The following SUMF1 variants were observed in gnomAD, a reference collection of about 807,000 sequenced individuals.
SUMF1 encodes sulfatase modifying factor 1.
In SUMF1, 48 loss-of-function variants were observed where a neutral mutation model predicts 47.6. The observed-to-expected ratio is 1.01, with a 90% CI of 0.80 to 1.28. The LOEUF (loss-of-function observed/expected upper bound fraction) is 1.28. SUMF1 is among the 50% of genes most tolerant of loss of function. The probability of loss-of-function intolerance (pLI) is 0.00; values close to 1 mark genes in which losing one functional copy is unlikely to be tolerated. For missense variants in SUMF1, 571 were observed against 485.4 expected (o/e 1.18, Z -1.66); for synonymous variants, 230 against 192.1 (o/e 1.20, Z -1.63).
chr3:4,180,615 C>T (rs1231677567), intron 8 of SUMF1, among the ~76,000 whole-genome samples: 1 of 151,434 alleles, frequency 6.6e-6, no homozygotes, highest in South Asian at 2.1e-4. Flanking sequence ...ATGGGTGCAG[C>T]AAGCCAACAT....
intron 4 of SUMF1, among the ~76,000 whole-genome samples, chr3:4,418,842 G>T (rs557840910): frequency 1.3e-5 from 2 of 151,978 alleles, no homozygotes; most frequent in African/African-American, 4.8e-5. Flanking sequence ...GGAAGTTTGG[G>T]GAAAAAAAAC....
At chr3:4,413,970 T>G (rs1329585527) in intron 6 of SUMF1, among the ~76,000 whole-genome samples, 4 of 151,860 alleles carry the variant, frequency 2.6e-5, no homozygotes, top group Non-Finnish European at 5.9e-5. Context: ...TTCAAGCAAT[T>G]CTCCTGCCTC....
chr3:4,357,577 T>TTTTATTTATTTATTTA (rs58387595), downstream of SUMF1, among the ~76,000 whole-genome samples: 4 of 138,732 alleles, frequency 2.9e-5, no homozygotes, highest in Non-Finnish European at 3.1e-5. Flanking sequence ...CCCAACCAAC[T>TTTTATTTATTTATTTA]TTTATTTATT....
At chr3:4,158,410 G>T (rs1034911242) in intron 8 of SUMF1, among the ~76,000 whole-genome samples, 3 of 151,202 alleles carry the variant, frequency 2.0e-5, no homozygotes, top group Non-Finnish European at 4.4e-5. Flanking sequence ...CTGAGGAGAA[G>T]AATGTATATT....
intron 8 of SUMF1, among the ~76,000 whole-genome samples, chr3:4,227,928 G>T (rs1429383738): frequency 6.6e-6 from 1 of 152,122 alleles, no homozygotes; most frequent in Non-Finnish European, 1.5e-5. Flanking sequence ...TGAGTGTGAT[G>T]CTTCTTTGAA....
At chr3:4,357,816 C>G (rs1023917964), downstream of SUMF1, among the ~76,000 whole-genome samples, 3 of 151,904 alleles carry the variant, frequency 2.0e-5, no homozygotes, top group African/African-American at 7.3e-5. Flanking sequence ...CCATGTTGGC[C>G]AGGTTAGTCA....
At position 4,339,116 on chromosome 3, in the gene SUMF1, C is replaced by T. The variant is rs116350981; in HGVS notation, c.1014+37214G>A. Among the ~76,000 whole-genome samples, 725 of 152,290 alleles carry T rather than the reference C, an allele frequency of 4.8e-3. 6 individuals carry two copies. The highest frequency in any genetic ancestry group is 0.016 in the African/African-American group (680 of 41,558). ...CCACTACTCCCTCCTCATTCTGTGA[C>T]GTAGCCCATTTCTGTGGCTCTCCTG... On this transcript the variant is annotated intron_variant and NMD_transcript_variant, in intron 8 of 12. Coordinates refer to the SUMF1 transcript ENST00000448413.
intron 8 of SUMF1, among the ~76,000 whole-genome samples, chr3:4,146,733 G>C (rs556508212): frequency 7.3e-6 from 1 of 137,858 alleles, no homozygotes; most frequent in Non-Finnish European, 1.5e-5. Flanking sequence ...TCCCCTTCCT[G>C]TGTCTATGTG....
chr3:4,046,093 A>G (rs1368934902), intron 9 of SUMF1, among the ~76,000 whole-genome samples: 1 of 152,154 alleles, frequency 6.6e-6, no homozygotes, highest in Non-Finnish European at 1.5e-5. Flanking sequence ...TTAGAGCTAC[A>G]GGATAAAAAT....
intron 1 of SUMF1, among the ~76,000 whole-genome samples, chr3:4,466,749 G>A (rs1024452920): frequency 3.3e-5 from 5 of 152,176 alleles, no homozygotes; most frequent in Admixed American, 3.3e-4. Flanking sequence ...GAAATAGGGG[G>A]TAAAGAAGTA....
At chr3:4,158,239 T>C (rs1387616468) in intron 8 of SUMF1, among the ~76,000 whole-genome samples, 1 of 151,652 alleles carries the variant, frequency 6.6e-6, no homozygotes, top group Admixed American at 6.6e-5. Context: ...TATAAACAAA[T>C]GTTTTGTATA....
intron 8 of SUMF1, among the ~76,000 whole-genome samples, chr3:4,200,815 C>T (rs1321936014): frequency 6.6e-6 from 1 of 152,116 alleles, no homozygotes; most frequent in Non-Finnish European, 1.5e-5. Flanking sequence ...TGTTTTTCTG[C>T]TGAATTACCT....
intron 8 of SUMF1, among the ~76,000 whole-genome samples, chr3:4,330,456 G>C (rs13092083): frequency 0.14 from 21,242 of 152,232 alleles, 1,507 homozygotes; most frequent in Middle Eastern, 0.19. Context: ...CGTCTTACAT[G>C]GTGGCAGGCA....
chr3:4,184,651 A>ATTT (rs113449863), intron 8 of SUMF1, among the ~76,000 whole-genome samples: 1 of 134,996 alleles, frequency 7.4e-6, no homozygotes, highest in Admixed American at 7.4e-5. Context: ...ATTTCCCTGG[A>ATTT]TTTTTTTTTT....
At chr3:4,222,769 A>G (rs1409536215) in intron 8 of SUMF1, among the ~76,000 whole-genome samples, 1 of 152,124 alleles carries the variant, frequency 6.6e-6, no homozygotes, top group African/African-American at 2.4e-5. Flanking sequence ...TTTATTACCC[A>G]CAGGATTCCT....
chr3:4,414,782 T>C (rs1314391992), intron 6 of SUMF1: 1 of 152,232 alleles, frequency 6.6e-6, no homozygotes, highest in African/African-American at 2.4e-5. Flanking sequence ...GGTACACTGA[T>C]TTTAGAAGAG....
chr3:4,047,222 G>T (rs1695022937), intron 9 of SUMF1, among the ~76,000 whole-genome samples: 1 of 151,944 alleles, frequency 6.6e-6, no homozygotes, highest in African/African-American at 2.4e-5. Flanking sequence ...CTTTGCCATT[G>T]TACTCTGTTT....
chr3:4,111,330 T>C (rs1016696826), intron 8 of SUMF1, among the ~76,000 whole-genome samples: 19 of 152,134 alleles, frequency 1.2e-4, no homozygotes, highest in Admixed American at 1.3e-4. Context: ...AAACCCATGT[T>C]GTTCAAGGGT....
intron 8 of SUMF1, among the ~76,000 whole-genome samples, chr3:4,309,743 A>G (rs1698330694): frequency 6.6e-6 from 1 of 152,150 alleles, no homozygotes; most frequent in Non-Finnish European, 1.5e-5. Context: ...TCTAGTAGAA[A>G]GAGAATGCTT....
Sources: allele counts gnomAD v4.1 joint callset (sites outside exome capture counted in the v4.1 genomes callset), GRCh38; gene constraint gnomAD v4.1.1; transcripts MANE v1.5; gene names NCBI Gene and HGNC (gene_info 2026-07-23, HGNC 2026-07-21).